The following MDC1 variants were observed in gnomAD, a reference collection of about 807,000 sequenced individuals.
MDC1 encodes mediator of DNA damage checkpoint protein 1.
MDC1 carries 81 observed loss-of-function variants against 142.5 expected under a neutral mutation model. The observed-to-expected ratio is 0.57, with a 90% CI of 0.47 to 0.68. The LOEUF is 0.68. Among genes scored for constraint, MDC1 ranks in the 30% least tolerant of loss-of-function variants. The pLI is 0.00. For synonymous variants in MDC1, 797 were observed against 968.4 expected, an observed-to-expected ratio of 0.82 and a Z score of 3.29; for missense variants, 2,119 against 2,547.9, an observed-to-expected ratio of 0.83 and a Z score of 3.62.
At position 30,705,330 on chromosome 6, in the gene MDC1, C is replaced by T. The variant is rs150032668; in HGVS notation, c.3853G>A (p.Val1285Met). The change falls in exon 10 of 15, where the codon GTG becomes ATG. Residue 1285 changes from valine to methionine, a missense_variant. Val to Met is a conservative substitution (Grantham distance 21, BLOSUM62 1). Transcript: ENST00000376406. ...GGCCGGAGCTCAGGGGCTGTGGGCA[C>T]AACTGGTTCAGGGGTCTTGACAGAG... The part of the protein sequence containing the change: ...RSSVKTPEPV[V>M]PTAPELRPST... 1.5e-4 allele frequency: 238 copies of T among 1,603,574 alleles called. No homozygotes were observed. Among genetic ancestry groups the T allele is most frequent in the Non-Finnish European group, 1.8e-4 (208 of 1,176,100 alleles).
rs1166716221 is a variant in MDC1, at chr6:30,705,768, G to A, written c.3415C>T (p.Pro1139Ser). 1.2e-6 allele frequency: 2 copies of A among 1,612,922 alleles called. No individual in the cohort carries two copies. The highest frequency in any genetic ancestry group is 1.7e-6 in the Non-Finnish European group (2 of 1,179,482). The change falls in exon 10 of 15, where the codon CCC becomes TCC. Residue 1139 changes from proline to serine, a missense_variant. Physicochemically the swap from Pro to Ser is moderately conservative, Grantham distance 74. Coordinates refer to ENST00000376406, the MANE Select transcript of MDC1 (RefSeq NM_014641.3). ...PSTSTAQPVT[P>S]KPTSQATRSR... is the part of the protein sequence containing the mutation. ...CTAGTGGCCTGAGATGTGGGCTTGG[G>A]AGTGACTGGCTGGGCTGTGGAGGTG...
In MDC1 at chr6:30,712,264, C is replaced by G. The variant is rs765118466; in HGVS notation, c.1678G>C (p.Ala560Pro). 6.2e-7 allele frequency: 1 copy of G among 1,613,102 alleles called. No homozygotes were observed. The highest frequency in any genetic ancestry group is 8.5e-7 in the Non-Finnish European group (1 of 1,180,022). Residue 560 changes from alanine (A) to proline (P), a missense_variant, in exon 5 of 15, where the codon GCA becomes CCA. Physicochemically the swap from Ala to Pro is conservative, Grantham distance 27. Coordinates refer to ENST00000376406, the MANE Select transcript of MDC1 (RefSeq NM_014641.3). This position sits in a 1 kb window ranked among gnomAD's most constrained non-coding sequence, Gnocchi z 4.7. The part of the protein sequence containing the change: ...QTDVKAVGGP[A>P]KLLVVSLEEA... ...TCTAGAGATACCACAAGCAGCTTTG[C>G]TGGTCCCCCAACTGCTTTCACATCT...
At chr6:30,708,389 G>A (rs763675971) in intron 7 of MDC1, 32 bp from the exon 8 acceptor site, 6 of 1,563,234 alleles carry the variant, frequency 3.8e-6, no homozygotes, top group Non-Finnish European at 5.2e-6. Flanking sequence ...GAGAGAGAGG[G>A]AGAGGGAGAG....
rs1442868601 is a variant in MDC1, at chr6:30,704,150, C to T, written c.5033G>A (p.Gly1678Asp). 6.2e-7 allele frequency: 1 copy of T among 1,613,600 alleles called. No homozygotes were observed. Among genetic ancestry groups the T allele is most frequent in the Non-Finnish European group, 8.5e-7 (1 of 1,179,704 alleles). Residue 1678 changes from glycine to aspartate, a missense_variant, in exon 10 of 15, where the codon GGT (glycine) becomes GAT (aspartate). Physicochemically the swap from Gly to Asp is moderately conservative, Grantham distance 94 (BLOSUM62 -1). Transcript: ENST00000376406. The part of the protein sequence containing the change: ...QSVTPEAIAQ[G>D]GQSKTLRSST... Reference sequence around the variant, plus strand: ...AGACCTCAGTGTTTTGCTCTGACCACCCTGAGCTATGGCCTCAGGGGTGAC... The same window carrying T: ...AGACCTCAGTGTTTTGCTCTGACCATCCTGAGCTATGGCCTCAGGGGTGAC...
Position 30,713,394 on chromosome 6 carries a change from C to G in MDC1, c.588-40G>C. 1 of 1,514,310 alleles carries G rather than the reference C, an allele frequency of 6.6e-7. No homozygotes were observed. Among genetic ancestry groups the G allele is most frequent in the Non-Finnish European group, 8.8e-7 (1 of 1,138,448 alleles). 93.8% of individuals were successfully genotyped at this position (1,514,310 alleles called of 1,614,324 possible). ...AAAGAGAGTCTATAGAATTTATTTC[C>G]CTGGAAGGGATACCCCAACTCAACT... On this transcript the variant is annotated intron_variant, in intron 4 of 14. Transcript: ENST00000376406. The surrounding 1 kb of genome is among the most constrained non-coding windows in gnomAD (Gnocchi z 4.9).
chr6:30,708,207 G>C lies in MDC1; in HGVS notation c.2372C>G (p.Pro791Arg), dbSNP rs1774233794. Residue 791 changes from proline (P) to arginine (R), a missense_variant, in exon 8 of 15, where the codon CCA (proline) becomes CGA (arginine). By Grantham distance (103) the Pro-to-Arg change is moderately radical. Coordinates refer to ENST00000376406, the MANE Select transcript of MDC1 (RefSeq NM_014641.3). The stretch of plus-strand genomic sequence containing the variant: ...TGGCTCTGTGTGAACTGGGCTCTCT[G>C]GATGTTGGTCTCCTGGTATTGCCCT... Reference protein sequence around the residue: ...PPRAIPGDQHPESPVHTEPMG... With the variant: ...PPRAIPGDQHRESPVHTEPMG... 3.1e-6 allele frequency: 5 copies of C among 1,613,164 alleles called. No homozygotes were observed. The highest frequency in any genetic ancestry group is 4.2e-6 in the Non-Finnish European group (5 of 1,180,036).
rs774716920 is a variant in MDC1, at chr6:30,715,224, C to T, written c.-3-46G>A. On this transcript the variant is annotated intron_variant, in intron 1 of 14. Transcript: ENST00000376406. This position sits in a 1 kb window ranked among gnomAD's most constrained non-coding sequence, Gnocchi z 4.1. ...CAATTATCCTCATTATTGGTTCACA[C>T]AAACAGCATCAGAGTTATCAGACTG... 1.2e-6 allele frequency: 2 copies of T among 1,608,134 alleles called. No individual in the cohort carries two copies. The highest frequency in any genetic ancestry group is 1.7e-6 in the Non-Finnish European group (2 of 1,174,864).
At position 30,706,000 on chromosome 6, in the gene MDC1, A is replaced by C. The variant is rs1481404249; in HGVS notation, c.3183T>G (p.Leu1061=). ...KPLNSQSQKH[L]APPPLLSPLL... The stretch of plus-strand genomic sequence containing the variant: ...GGGGAGAAAGAAGGGGCGGAGGTGC[A>C]AGATGTTTCTGGCTCTGAGAGTTAA... The change falls in exon 10 of 15, where the codon CTT becomes CTG. Residue 1061 remains leucine, a synonymous_variant. Coordinates refer to ENST00000376406, the MANE Select transcript of MDC1 (RefSeq NM_014641.3). 6.2e-7 allele frequency: 1 copy of C among 1,611,720 alleles called. No homozygotes were observed. Among genetic ancestry groups the C allele is most frequent in the Admixed American group, 1.7e-5 (1 of 59,990 alleles).
Position 30,704,033 on chromosome 6 carries a change from T to C in MDC1, c.5150A>G (p.Gln1717Arg), listed in dbSNP as rs537545740. 16 of 1,614,210 alleles carry C rather than the reference T, an allele frequency of 9.9e-6. No homozygotes were observed. The African/African-American group carries it at 1.2e-4, about 12-fold the overall frequency. ...DQPISPEPIT[Q>R]PSCIKRQRAA... ...TCTCTGCCTCTTGATGCAACTGGGTTGAGTAATAGGCTCAGGGGAAATAGG... is the reference window on the plus strand; with the variant it reads ...TCTCTGCCTCTTGATGCAACTGGGTCGAGTAATAGGCTCAGGGGAAATAGG... The change falls in exon 10 of 15, where the codon CAA becomes CGA. Residue 1717 changes from glutamine (Q) to arginine (R), a missense_variant. Physicochemically the swap from Gln to Arg is conservative, Grantham distance 43. Transcript: ENST00000376406.
Position 30,713,665 on chromosome 6 carries a change from AG to A in MDC1, c.569del (p.Ser190LeufsTer2). The A allele has an allele frequency of 6.2e-7, 1 of 1,614,220 alleles. No homozygotes were observed. On this transcript the variant is annotated frameshift_variant, in exon 4 of 15. Coordinates refer to ENST00000376406, the MANE Select transcript of MDC1 (RefSeq NM_014641.3). LOFTEE classifies it high-confidence loss of function. The surrounding 1 kb of genome is among the most constrained non-coding windows in gnomAD (Gnocchi z 4.9). ...GCACTCACCTCTCTGGAACTATCAC[AG>A]AGGAAGATGTGGTCCTTGATTTTTT... is the stretch of plus-strand genomic sequence containing the variant. The part of the protein sequence containing the change: ...MVKKSRTTSS[S>X]VIVPESDEEG...
In MDC1 at chr6:30,716,777, G is replaced by T; in HGVS notation, c.-4+468C>A. 1 of 332,610 alleles carries T rather than the reference G, an allele frequency of 3.0e-6. No individual in the cohort carries two copies. The highest frequency in any genetic ancestry group is 4.3e-6 in the Non-Finnish European group (1 of 233,188). 20.6% of individuals were successfully genotyped at this position (332,610 alleles called of 1,614,324 possible). On this transcript the variant is annotated intron_variant, in intron 1 of 14. Coordinates refer to ENST00000376406, the MANE Select transcript of MDC1 (RefSeq NM_014641.3). The surrounding 1 kb of genome is among the most constrained non-coding windows in gnomAD (Gnocchi z 4.4). ...TGTTTGAAGTATTTGGTATACATCT[G>T]TGAACCAAACATGAAATCGACCCTG...
chr6:30,700,481 T>C lies in MDC1; in HGVS notation c.6254A>G (p.Glu2085Gly). ...KPEAFVLSPLEMSST is the reference protein window; with the variant it reads ...KPEAFVLSPLGMSST ...GTGGAGTTCTCAGGTGGATGACATC[T>C]CCAAAGGGGAGAGGACAAAGGCCTC... Residue 2085 changes from glutamate to glycine, a missense_variant, in exon 15 of 15, where the codon GAG (glutamate) becomes GGG (glycine). Glu to Gly is a moderately conservative substitution (Grantham distance 98). Transcript: ENST00000376406. 1 of 1,612,614 alleles carries C rather than the reference T, an allele frequency of 6.2e-7. No individual in the cohort carries two copies. Among genetic ancestry groups the C allele is most frequent in the Non-Finnish European group, 8.5e-7 (1 of 1,179,796 alleles).
intron 14 of MDC1, among the ~76,000 whole-genome samples, chr6:30,702,256 C>CAAAAAAAAAAA (rs57764077): frequency 1.8e-3 from 109 of 58,940 alleles, no homozygotes; most frequent in East Asian, 3.8e-3. Flanking sequence ...GACTCCATCT[C>CAAAAAAAAAAA]AAAAAAAAAA....
rs754395572 is a variant in MDC1 at position 30,705,535 on chromosome 6, G to T, written c.3648C>A (p.Asp1216Glu). The T allele has an allele frequency of 1.9e-5, 31 of 1,607,382 alleles. No individual in the cohort carries two copies. The highest frequency in any genetic ancestry group is 1.6e-5 in the Non-Finnish European group (19 of 1,177,130). The change falls in exon 10 of 15, where the codon GAC becomes GAA. Residue 1216 changes from aspartate to glutamate, a missense_variant. Transcript: ENST00000376406. Reference protein sequence around the residue: ...ALELQPSTSTDRPVTSEPTSQ... With the variant: ...ALELQPSTSTERPVTSEPTSQ... ...AGGTGGGTTCAGAGGTGACAGGTCG[G>T]TCGGTGGAGGTGGAAGGCTGGAGCT...
chr6:30,700,537 C>T lies in MDC1; in HGVS notation c.6198G>A (p.Leu2066=). 1 of 1,612,974 alleles carries T rather than the reference C, an allele frequency of 6.2e-7. No individual in the cohort carries two copies. The highest frequency in any genetic ancestry group is 1.7e-5 in the Admixed American group (1 of 60,002). ...GLPLLSPEFL[L]TGVLKQEAKP... ...TGGCTTCCTGCTTCAGCACTCCAGT[C>T]AGCAGGAACTCAGGCGAGAGGAGGG... The change falls in exon 15 of 15, where the codon CTG becomes CTA. Residue 2066 remains leucine, a synonymous_variant. Transcript: ENST00000376406.
chr6:30,701,074 C>CAAAAGAAAAAAA (rs1280122558), intron 14 of MDC1, among the ~76,000 whole-genome samples: 8 of 123,180 alleles, frequency 6.5e-5, no homozygotes, highest in Non-Finnish European at 1.2e-4. Context: ...GACTCCATCT[C>CAAAAGAAAAAAA]AAAAGAAAAA....
chr6:30,708,201 C>A lies in MDC1; in HGVS notation c.2378G>T (p.Ser793Ile). ...CCCCATTGGCTCTGTGTGAACTGGG[C>A]TCTCTGGATGTTGGTCTCCTGGTAT... is the stretch of plus-strand genomic sequence containing the variant. ...RAIPGDQHPESPVHTEPMGIQ... is the reference protein window; with the variant it reads ...RAIPGDQHPEIPVHTEPMGIQ... The change falls in exon 8 of 15, where the codon AGC (serine) becomes ATC (isoleucine). Residue 793 changes from serine to isoleucine, a missense_variant. Coordinates refer to ENST00000376406, the MANE Select transcript of MDC1 (RefSeq NM_014641.3). 1 of 1,613,152 alleles carries A rather than the reference C, an allele frequency of 6.2e-7. No individual in the cohort carries two copies.
In MDC1 at chr6:30,706,002, G is replaced by A. The variant is rs371196706; in HGVS notation, c.3181C>T (p.Leu1061Phe). 291 of 1,610,586 alleles carry A rather than the reference G, an allele frequency of 1.8e-4. 3 individuals carry two copies. In the South Asian group the frequency reaches 2.8e-3, roughly 16 times the overall value. Residue 1061 changes from leucine (L) to phenylalanine (F), a missense_variant, in exon 10 of 15, where the codon CTT becomes TTT. By Grantham distance (22) the Leu-to-Phe change is conservative. Transcript: ENST00000376406. ...GGAGAAAGAAGGGGCGGAGGTGCAAGATGTTTCTGGCTCTGAGAGTTAAGG... is the reference window on the plus strand; with the variant it reads ...GGAGAAAGAAGGGGCGGAGGTGCAAAATGTTTCTGGCTCTGAGAGTTAAGG... Reference protein sequence around the residue: ...KPLNSQSQKHLAPPPLLSPLL... With the variant: ...KPLNSQSQKHFAPPPLLSPLL...
Position 30,713,963 on chromosome 6 carries a change from T to C in MDC1, c.357A>G (p.Glu119=). The change falls in exon 3 of 15, where the codon GAA becomes GAG. Residue 119 remains glutamate (E), a synonymous_variant. Transcript: ENST00000376406. The surrounding 1 kb of genome is among the most constrained non-coding windows in gnomAD (Gnocchi z 4.9). ...AGAGCAAGTCAGCAAAGAGAATCAA[T>C]TCCTGGTCCCTCAGACGGTGACTCA... The part of the protein sequence containing the change: ...PGVSHRLRDQ[E]LILFADLLCQ... 6.2e-7 allele frequency: 1 copy of C among 1,612,914 alleles called. No homozygotes were observed. Among genetic ancestry groups the C allele is most frequent in the Non-Finnish European group, 8.5e-7 (1 of 1,179,996 alleles).
Sources: gnomAD v4.1 joint callset for allele counts (sites outside exome capture counted in the v4.1 genomes callset) on GRCh38, gnomAD v4.1.1 for gene constraint, Gnocchi (gnomAD v3.1) non-coding constraint, MANE v1.5 for transcripts, NCBI Gene and HGNC (gene_info 2026-07-23, HGNC 2026-07-21) for gene names.